Variants in SOX12 observed in about 807,000 individuals in gnomAD.
The protein encoded by SOX12 is SRY-box transcription factor 12, also known as transcription factor SOX-12.
A neutral mutation model predicts 21.5 loss-of-function variants in SOX12; 8 were observed. The observed-to-expected ratio is 0.37, with a 90% CI of 0.22 to 0.67. The LOEUF (loss-of-function observed/expected upper bound fraction) is 0.67, where lower values mean the gene tolerates loss of function less well. Among genes scored for constraint, SOX12 ranks in the 30% least tolerant of loss-of-function variants. SOX12 has a pLI of 0.56. For synonymous variants in SOX12, 235 were observed against 224.2 expected (o/e 1.05, Z -0.43); for missense variants, 400 against 482.6 (o/e 0.83, Z 1.60).
Position 325,820 on chromosome 20 carries a change from C to G in SOX12, c.-105C>G, listed in dbSNP as rs1226820590. On this transcript the variant is annotated 5_prime_UTR_variant, in exon 1 of 1. Coordinates refer to ENST00000342665, the MANE Select transcript of SOX12 (RefSeq NM_006943.4). This position sits in a 1 kb window ranked among gnomAD's most constrained non-coding sequence, Gnocchi z 5.0. ...AGTTCGCGGGGGCCGGGCCGAGCCG[C>G]GGGGCGGGGCCGCCCCTCCGTCGCC... 1 of 540,326 alleles carries G rather than the reference C, an allele frequency of 1.9e-6. No homozygotes were observed. The highest frequency in any genetic ancestry group is 1.4e-4 in the East Asian group (1 of 7,152). 33.5% of individuals were successfully genotyped at this position (540,326 alleles called of 1,614,324 possible). A position where few individuals can be genotyped will look rare whatever the true frequency, so the allele number is the denominator to read the frequency against.
chr20:327,136 T>G lies in SOX12; in HGVS notation c.*264T>G. ...GCACAGCCACCAGCAGCCAGCCCCC[T>G]CCGATACACCTCCCGTCCTCTCCTA... On this transcript the variant is annotated 3_prime_UTR_variant, in exon 1 of 1. Transcript: ENST00000342665. 1 of 437,610 alleles carries G rather than the reference T, an allele frequency of 2.3e-6. No individual in the cohort carries two copies. Among genetic ancestry groups the G allele is most frequent in the Non-Finnish European group, 4.2e-6 (1 of 240,570 alleles). 27.1% of individuals were successfully genotyped at this position (437,610 alleles called of 1,614,324 possible).
rs2013144609 is a variant in SOX12 at position 328,560 on chromosome 20, AAAG to A, written c.*1690_*1692del. ...TTTAAGAAAAACAACAACAACAAAA[AAAG>A]ACAATGAAAAAAAAAACGTCATGTG... On this transcript the variant is annotated 3_prime_UTR_variant, in exon 1 of 1. Coordinates refer to ENST00000342665, the MANE Select transcript of SOX12 (RefSeq NM_006943.4). 6.2e-6 allele frequency: 1 copy of A among 160,656 alleles called. No homozygotes were observed. The highest frequency in any genetic ancestry group is 1.5e-5 in the Non-Finnish European group (1 of 67,702). The allele number at this position is 160,656 out of a possible 1,614,324, so 10.0% of individuals were successfully genotyped here. A position where few individuals can be genotyped will look rare whatever the true frequency, so the allele number is the denominator to read the frequency against.
At position 328,524 on chromosome 20, in the gene SOX12, T is replaced by TCTA. The variant is rs1189653106; in HGVS notation, c.*1652_*1653insCTA. ...GGGCCTTTCTTGCGCTCTATTTTTT[T>TCTA]TTTTTTTTTTTTTAAGAAAAACAAC... On this transcript the variant is annotated 3_prime_UTR_variant, in exon 1 of 1. Coordinates refer to ENST00000342665, the MANE Select transcript of SOX12 (RefSeq NM_006943.4). 3.2e-5 allele frequency: 5 copies of TCTA among 156,552 alleles called. No individual in the cohort carries two copies. Among genetic ancestry groups the TCTA allele is most frequent in the African/African-American group, 1.1e-4 (4 of 36,844 alleles). 9.7% of individuals were successfully genotyped at this position (156,552 alleles called of 1,614,324 possible).
chr20:325,998 AG>A lies in SOX12; in HGVS notation c.79del (p.Ala27ArgfsTer18). 2 of 1,493,874 alleles carry A rather than the reference AG, an allele frequency of 1.3e-6. No homozygotes were observed. Among genetic ancestry groups the A allele is most frequent in the Non-Finnish European group, 1.8e-6 (2 of 1,120,000 alleles). The allele number at this position is 1,493,874 out of a possible 1,614,324, so 92.5% of individuals were successfully genotyped here. Reference sequence around the variant, plus strand: ...CCCCCGGGACCCGGGCCGGCCGAGGAGGGGGCGCGCGAGCCCGGCTGGTGCA... The same window carrying A: ...CCCCCGGGACCCGGGCCGGCCGAGGAGGGGCGCGCGAGCCCGGCTGGTGCA... ...PPPPGPGPAE[E>X]GAREPGWCKT... On this transcript the variant is annotated frameshift_variant, in exon 1 of 1. Transcript: ENST00000342665. LOFTEE classifies it high-confidence loss of function. The surrounding 1 kb of genome is among the most constrained non-coding windows in gnomAD (Gnocchi z 5.0).
chr20:327,084 A>G lies in SOX12; in HGVS notation c.*212A>G, dbSNP rs1346590191. 1 of 463,030 alleles carries G rather than the reference A, an allele frequency of 2.2e-6. No individual in the cohort carries two copies. The highest frequency in any genetic ancestry group is 3.8e-6 in the Non-Finnish European group (1 of 261,384). 28.7% of individuals were successfully genotyped at this position (463,030 alleles called of 1,614,324 possible). On this transcript the variant is annotated 3_prime_UTR_variant, in exon 1 of 1. Coordinates refer to ENST00000342665, the MANE Select transcript of SOX12 (RefSeq NM_006943.4). ...AACCCCCACCCCTTCCCCGACACCCAAGCCCCTCCCCACGTCGCCCCCTCC... is the reference window on the plus strand; with the variant it reads ...AACCCCCACCCCTTCCCCGACACCCGAGCCCCTCCCCACGTCGCCCCCTCC...
chr20:328,823 G>A lies in SOX12; in HGVS notation c.*1951G>A, dbSNP rs1172288556. ...TCCGTGTGATTTGGGCCCGAGCTGG[G>A]TGTCCCAGGGCAAGCCACCTTGCCT... On this transcript the variant is annotated 3_prime_UTR_variant, in exon 1 of 1. Transcript: ENST00000342665. The A allele has an allele frequency of 6.0e-6, 1 of 167,232 alleles. No homozygotes were observed. The highest frequency in any genetic ancestry group is 1.5e-5 in the Non-Finnish European group (1 of 68,246). 10.4% of individuals were successfully genotyped at this position (167,232 alleles called of 1,614,324 possible).
In SOX12 at chr20:328,189, G is replaced by A. The variant is rs1600207946; in HGVS notation, c.*1317G>A. ...AACGCTGCTGTTAGGAGGAAGTTGT[G>A]TCCAGTTCAGGGTGCCCTCGGGAGC... On this transcript the variant is annotated 3_prime_UTR_variant, in exon 1 of 1. Transcript: ENST00000342665. 1 of 166,916 alleles carries A rather than the reference G, an allele frequency of 6.0e-6. No individual in the cohort carries two copies. Among genetic ancestry groups the A allele is most frequent in the East Asian group, 1.9e-4 (1 of 5,206 alleles). The allele number at this position is 166,916 out of a possible 1,614,324, so 10.3% of individuals were successfully genotyped here.
chr20:328,561 AAG>A lies in SOX12; in HGVS notation c.*1691_*1692del, dbSNP rs2013144650. 1.2e-5 allele frequency: 2 copies of A among 160,530 alleles called. No homozygotes were observed. The highest frequency in any genetic ancestry group is 3.9e-4 in the East Asian group (2 of 5,158). 9.9% of individuals were successfully genotyped at this position (160,530 alleles called of 1,614,324 possible). The stretch of plus-strand genomic sequence containing the variant: ...TTAAGAAAAACAACAACAACAAAAA[AAG>A]ACAATGAAAAAAAAAACGTCATGTG... On this transcript the variant is annotated 3_prime_UTR_variant, in exon 1 of 1. Coordinates refer to ENST00000342665, the MANE Select transcript of SOX12 (RefSeq NM_006943.4).
In SOX12 at chr20:326,298, G is replaced by A; in HGVS notation, c.374G>A (p.Arg125His). Residue 125 changes from arginine to histidine, a missense_variant, in exon 1 of 1, where the codon CGC becomes CAC. By Grantham distance (29) the Arg-to-His change is conservative. Around this residue, in one of 4 missense-constraint regions of SOX12, gnomAD observed 92 missense variants for 162.0 expected, o/e 0.57. Transcript: ENST00000342665. This position sits in a 1 kb window ranked among gnomAD's most constrained non-coding sequence, Gnocchi z 9.9. ...SKGAPAKARPRPPGGSGGGSR... is the reference protein window; with the variant it reads ...SKGAPAKARPHPPGGSGGGSR... ...GGGGCGCCCGCCAAGGCGCGGCCCCGCCCCCCCGGTGGTAGCGGTGGCGGC... is the reference window on the plus strand; with the variant it reads ...GGGGCGCCCGCCAAGGCGCGGCCCCACCCCCCCGGTGGTAGCGGTGGCGGC... The A allele has an allele frequency of 1.4e-6, 2 of 1,418,330 alleles. No individual in the cohort carries two copies. Among genetic ancestry groups the A allele is most frequent in the Non-Finnish European group, 9.2e-7 (1 of 1,081,698 alleles). The allele number at this position is 1,418,330 out of a possible 1,614,324, so 87.9% of individuals were successfully genotyped here. A position where few individuals can be genotyped will look rare whatever the true frequency, so the allele number is the denominator to read the frequency against.
chr20:325,775 C>A lies in SOX12; in HGVS notation c.-150C>A. ...CCCCCCGCCGTCCGTTGGGCCCGAG[C>A]GCCCAGCTCCTCGCTCCCCAGTTCG... On this transcript the variant is annotated 5_prime_UTR_variant, in exon 1 of 1. Transcript: ENST00000342665. This position sits in a 1 kb window ranked among gnomAD's most constrained non-coding sequence, Gnocchi z 5.0. 2 of 231,094 alleles carry A rather than the reference C, an allele frequency of 8.7e-6. No individual in the cohort carries two copies. The highest frequency in any genetic ancestry group is 1.4e-5 in the Non-Finnish European group (2 of 139,180). The allele number at this position is 231,094 out of a possible 1,614,324, so 14.3% of individuals were successfully genotyped here. A position where few individuals can be genotyped will look rare whatever the true frequency, so the allele number is the denominator to read the frequency against.
Position 326,301 on chromosome 20 carries a change from C to T in SOX12, c.377C>T (p.Pro126Leu). 2 of 1,409,620 alleles carry T rather than the reference C, an allele frequency of 1.4e-6. No homozygotes were observed. Among genetic ancestry groups the T allele is most frequent in the Non-Finnish European group, 9.3e-7 (1 of 1,078,026 alleles). 87.3% of individuals were successfully genotyped at this position (1,409,620 alleles called of 1,614,324 possible). A position where few individuals can be genotyped will look rare whatever the true frequency, so the allele number is the denominator to read the frequency against. ...GCGCCCGCCAAGGCGCGGCCCCGCCCCCCCGGTGGTAGCGGTGGCGGCAGC... is the reference window on the plus strand; with the variant it reads ...GCGCCCGCCAAGGCGCGGCCCCGCCTCCCCGGTGGTAGCGGTGGCGGCAGC... ...KGAPAKARPR[P>L]PGGSGGGSRL... The change falls in exon 1 of 1, where the codon CCC becomes CTC. Residue 126 changes from proline (P) to leucine (L), a missense_variant. Physicochemically the swap from Pro to Leu is moderately conservative, Grantham distance 98. This residue lies in a region of SOX12 where 92 missense variants were observed against 162.0 expected (regional missense o/e 0.57). Coordinates refer to ENST00000342665, the MANE Select transcript of SOX12 (RefSeq NM_006943.4). This position sits in a 1 kb window ranked among gnomAD's most constrained non-coding sequence, Gnocchi z 9.9.
Position 327,047 on chromosome 20 carries a change from C to T in SOX12, c.*175C>T, listed in dbSNP as rs531229417. On this transcript the variant is annotated 3_prime_UTR_variant, in exon 1 of 1. Coordinates refer to ENST00000342665, the MANE Select transcript of SOX12 (RefSeq NM_006943.4). ...CATGCCCCTCCCCCGCAGACACACC[C>T]CAAGGCAGCCCAACCCCCACCCCTT... is the stretch of plus-strand genomic sequence containing the variant. The T allele has an allele frequency of 1.6e-6, 1 of 644,574 alleles. No individual in the cohort carries two copies. The highest frequency in any genetic ancestry group is 2.8e-6 in the Non-Finnish European group (1 of 357,288). 39.9% of individuals were successfully genotyped at this position (644,574 alleles called of 1,614,324 possible). A position where few individuals can be genotyped will look rare whatever the true frequency, so the allele number is the denominator to read the frequency against.
rs6050344 is a variant in SOX12 at position 329,849 on chromosome 20, G to C, written c.*2977G>C. 27,474 of 167,058 alleles carry C rather than the reference G, an allele frequency of 0.16. 4,451 individuals carry two copies. The highest frequency in any genetic ancestry group is 0.44 in the African/African-American group (18,154 of 41,452). The allele number at this position is 167,058 out of a possible 1,614,324, so 10.3% of individuals were successfully genotyped here. ...CTTCTCTGGTTGAAAGCAAGCTGGC[G>C]AAGTAAGAGGAGGTAGAGTTGAGAA... On this transcript the variant is annotated 3_prime_UTR_variant, in exon 1 of 1. Transcript: ENST00000342665.
chr20:326,474 C>T lies in SOX12; in HGVS notation c.550C>T (p.Arg184Trp). ...AGTGCGCCTGGTCGAGACCCCGGGGCGGGAGCTGTGGAGGATGGTCCCGGC... is the reference window on the plus strand; with the variant it reads ...AGTGCGCCTGGTCGAGACCCCGGGGTGGGAGCTGTGGAGGATGGTCCCGGC... ...LEVRLVETPG[R>W]ELWRMVPAGR... is the part of the protein sequence containing the mutation. Residue 184 changes from arginine to tryptophan, a missense_variant, in exon 1 of 1, where the codon CGG becomes TGG. Coordinates refer to ENST00000342665, the MANE Select transcript of SOX12 (RefSeq NM_006943.4). This position sits in a 1 kb window ranked among gnomAD's most constrained non-coding sequence, Gnocchi z 9.9. 7.2e-7 allele frequency: 1 copy of T among 1,396,652 alleles called. No homozygotes were observed. Among genetic ancestry groups the T allele is most frequent in the Non-Finnish European group, 9.2e-7 (1 of 1,085,160 alleles). 86.5% of individuals were successfully genotyped at this position (1,396,652 alleles called of 1,614,324 possible). A position where few individuals can be genotyped will look rare whatever the true frequency, so the allele number is the denominator to read the frequency against.
chr20:325,943 G>C lies in SOX12; in HGVS notation c.19G>C (p.Ala7Pro). 1 of 1,284,846 alleles carries C rather than the reference G, an allele frequency of 7.8e-7. No individual in the cohort carries two copies. Among genetic ancestry groups the C allele is most frequent in the African/African-American group, 1.6e-5 (1 of 63,024 alleles). The allele number at this position is 1,284,846 out of a possible 1,614,324, so 79.6% of individuals were successfully genotyped here. MVQQRG[A>P]RAKRDGGPPP... ...AGGCGCGATGGTGCAGCAGCGGGGC[G>C]CGAGGGCCAAGCGGGACGGCGGGCC... The change falls in exon 1 of 1, where the codon GCG becomes CCG. Residue 7 changes from alanine (A) to proline (P), a missense_variant. Transcript: ENST00000342665. This position sits in a 1 kb window ranked among gnomAD's most constrained non-coding sequence, Gnocchi z 5.0.
chr20:326,242 C>A lies in SOX12; in HGVS notation c.318C>A (p.Asp106Glu). 1 of 1,565,036 alleles carries A rather than the reference C, an allele frequency of 6.4e-7. No homozygotes were observed. The highest frequency in any genetic ancestry group is 8.6e-7 in the Non-Finnish European group (1 of 1,157,050). ...TCAAGCACATGGCGGATTACCCGGACTACAAGTACCGGCCGCGCAAAAAGA... is the reference window on the plus strand; with the variant it reads ...TCAAGCACATGGCGGATTACCCGGAATACAAGTACCGGCCGCGCAAAAAGA... ...LRLKHMADYP[D>E]YKYRPRKKSK... The change falls in exon 1 of 1, where the codon GAC becomes GAA. Residue 106 changes from aspartate (D) to glutamate (E), a missense_variant. By Grantham distance (45) the Asp-to-Glu change is conservative. This residue lies in a region of SOX12 where 92 missense variants were observed against 162.0 expected (regional missense o/e 0.57). Coordinates refer to ENST00000342665, the MANE Select transcript of SOX12 (RefSeq NM_006943.4). This position sits in a 1 kb window ranked among gnomAD's most constrained non-coding sequence, Gnocchi z 9.9.
Position 327,203 on chromosome 20 carries a change from G to C in SOX12, c.*331G>C. 3.2e-6 allele frequency: 1 copy of C among 308,302 alleles called. No individual in the cohort carries two copies. The highest frequency in any genetic ancestry group is 6.4e-6 in the Non-Finnish European group (1 of 156,418). The allele number at this position is 308,302 out of a possible 1,614,324, so 19.1% of individuals were successfully genotyped here. A position where few individuals can be genotyped will look rare whatever the true frequency, so the allele number is the denominator to read the frequency against. On this transcript the variant is annotated 3_prime_UTR_variant, in exon 1 of 1. Coordinates refer to ENST00000342665, the MANE Select transcript of SOX12 (RefSeq NM_006943.4). ...CCCCCTTTTGCACACGCCCCTCCTC[G>C]TGGCCGGAGGACCCGCCCCCTCCTT...
At position 329,355 on chromosome 20, in the gene SOX12, A is replaced by G. The variant is rs922401110; in HGVS notation, c.*2483A>G. On this transcript the variant is annotated 3_prime_UTR_variant, in exon 1 of 1. Transcript: ENST00000342665. ...GTGAGAAGCATTCACCATGGTGCCC[A>G]TCGTGTTACTCCATTGTCAGAGGAG... The G allele has an allele frequency of 1.8e-5, 3 of 167,094 alleles. No homozygotes were observed. The highest frequency in any genetic ancestry group is 7.2e-5 in the African/African-American group (3 of 41,464). 10.4% of individuals were successfully genotyped at this position (167,094 alleles called of 1,614,324 possible).
chr20:328,513 C>CTCTT lies in SOX12; in HGVS notation c.*1644_*1645insTTCT, dbSNP rs138351461. The CTCTT allele has an allele frequency of 2.7e-4, 28 of 102,218 alleles. No individual in the cohort carries two copies. The highest frequency in any genetic ancestry group is 2.0e-3 in the African/African-American group (26 of 13,220). The allele number at this position is 102,218 out of a possible 1,614,324, so 6.3% of individuals were successfully genotyped here. A position where few individuals can be genotyped will look rare whatever the true frequency, so the allele number is the denominator to read the frequency against. ...GCTCCGGCTCTGGGCCTTTCTTGCG[C>CTCTT]TCTATTTTTTTTTTTTTTTTTTTTA... is the stretch of plus-strand genomic sequence containing the variant. On this transcript the variant is annotated 3_prime_UTR_variant, in exon 1 of 1. Transcript: ENST00000342665.
Sources: gnomAD v4.1 joint callset for allele counts on GRCh38, gnomAD v4.1.1 for gene constraint, gnomAD v4.1.1 regional missense constraint, Gnocchi (gnomAD v3.1) non-coding constraint, MANE v1.5 for transcripts, NCBI Gene and HGNC (gene_info 2026-07-23, HGNC 2026-07-21) for gene names.